DNAAF4: variants seen among roughly 807,000 people sequenced by gnomAD.
The protein encoded by DNAAF4 is dynein axonemal assembly factor 4, also known as dynein assembly factor 4, axonemal.
A neutral mutation model predicts 51.8 loss-of-function variants in DNAAF4; 43 were observed. The ratio of observed to expected loss-of-function variants is 0.83; its 90% CI spans 0.65 to 1.07. The LOEUF is 1.07. Among genes scored for constraint, DNAAF4 ranks in the 50% least tolerant of loss-of-function variants. The pLI, the probability that DNAAF4 is intolerant of heterozygous loss-of-function variation, is 0.00. For synonymous variants in DNAAF4, 194 were observed against 165.6 expected (o/e 1.17, Z -1.32); for missense variants, 581 against 493.0 (o/e 1.18, Z -1.69).
intron 5 of DNAAF4, among the ~76,000 whole-genome samples, chr15:55,466,087 T>A (rs1025344286): frequency 1.3e-5 from 2 of 152,210 alleles, no homozygotes; most frequent in African/African-American, 4.8e-5. Context: ...CCAAAACTAC[T>A]GAAATAATAA....
At chr15:55,472,332 G>A (rs1187615965) in intron 4 of DNAAF4, among the ~76,000 whole-genome samples, 2 of 152,062 alleles carry the variant, frequency 1.3e-5, no homozygotes, top group African/African-American at 4.8e-5. Context: ...ATAAAGGACT[G>A]GAGGCCCGGG....
chr15:55,455,225 A>G (rs1476137123), intron 5 of DNAAF4, among the ~76,000 whole-genome samples: 1 of 149,822 alleles, frequency 6.7e-6, no homozygotes, highest in East Asian at 1.9e-4. Flanking sequence ...TTATCTAACT[A>G]TATTGTTTCA....
chr15:55,473,198 A>AAAAAATATATATATAT (rs1209754897), intron 4 of DNAAF4, among the ~76,000 whole-genome samples: 4 of 75,750 alleles, frequency 5.3e-5, no homozygotes, highest in African/African-American at 2.1e-4. Context: ...AAAAAAAAAA[A>AAAAAATATATATATAT]ATATATATAT....
intron 5 of DNAAF4, 59 bp downstream of exon 5, chr15:55,466,871 A>C (rs924198280): frequency 1.9e-6 from 3 of 1,556,230 alleles, no homozygotes; most frequent in Admixed American, 2.4e-5. Flanking sequence ...AAAAAAGAAA[A>C]GCGTCATATA....
chr15:55,487,675 G>A (rs980643681), intron 4 of DNAAF4, among the ~76,000 whole-genome samples: 3 of 151,742 alleles, frequency 2.0e-5, no homozygotes, highest in African/African-American at 7.3e-5. Flanking sequence ...AACAACTCCG[G>A]ACGCGCCACC....
chr15:55,503,101 C>T (rs199967411), intron 1 of DNAAF4, among the ~76,000 whole-genome samples: 2 of 151,832 alleles, frequency 1.3e-5, no homozygotes, highest in East Asian at 3.9e-4. Flanking sequence ...ATATCACCAC[C>T]GATACCACAG....
At chr15:55,449,250 A>G (rs1004528724) in intron 6 of DNAAF4, among the ~76,000 whole-genome samples, 1 of 150,526 alleles carries the variant, frequency 6.6e-6, no homozygotes, top group Non-Finnish European at 1.5e-5. Flanking sequence ...TCGGCCTCCC[A>G]AAGTGCTAGA....
intron 6 of DNAAF4, among the ~76,000 whole-genome samples, chr15:55,445,605 TC>T (rs1316342845): frequency 6.6e-6 from 1 of 151,750 alleles, no homozygotes; most frequent in Admixed American, 6.6e-5. Flanking sequence ...GCAGAGGCGC[TC>T]CTCGCCTCCC....
rs140019175 is a variant in DNAAF4, at chr15:55,492,834, G to A, written c.272-1578C>T. 8.7e-3 allele frequency among the ~76,000 whole-genome samples: 1,326 copies of A among 152,144 alleles called. 13 individuals are homozygous for A. The highest frequency in any genetic ancestry group is 0.028 in the African/African-American group (1,176 of 41,526). ...ATTACAGGCGTGAGCCACTGCGGCC[G>A]GCCAAATTGTGATACACGATTATGT... On this transcript the variant is annotated intron_variant, in intron 3 of 9. Transcript: ENST00000321149.
intron 4 of DNAAF4, among the ~76,000 whole-genome samples, chr15:55,480,423 C>T (rs1016206054): frequency 1.3e-5 from 2 of 152,114 alleles, no homozygotes; most frequent in Admixed American, 6.6e-5. Context: ...AACAAGCTAA[C>T]CTACATGTTC....
At chr15:55,485,888 G>A (rs931698771) in intron 4 of DNAAF4, among the ~76,000 whole-genome samples, 3 of 151,206 alleles carry the variant, frequency 2.0e-5, no homozygotes, top group Non-Finnish European at 4.4e-5. Context: ...GCAGCTACTC[G>A]GGAAACTTAG....
chr15:55,431,606 C>A (rs890362765), intron 9 of DNAAF4, among the ~76,000 whole-genome samples: 12 of 151,696 alleles, frequency 7.9e-5, no homozygotes, highest in Non-Finnish European at 1.5e-4. Flanking sequence ...TCCTGAGTAG[C>A]TGGGACTACA....
rs2057412035 is a variant in DNAAF4, at chr15:55,424,307, T to TA, written c.1048-6175dup. ...CAAGAAGGTCTTCACCAGATGCATG[T>TA]AGTCCCTTAATCTTGACTGCCCAGC... On this transcript the variant is annotated intron_variant, in intron 7 of 7. Coordinates refer to the DNAAF4 transcript ENST00000448430. Among the ~76,000 whole-genome samples, 11 of 152,352 alleles carry TA rather than the reference T, an allele frequency of 7.2e-5. No homozygotes were observed. In the South Asian group the frequency reaches 2.3e-3, roughly 32 times the overall value.
chr15:55,472,932 G>A (rs527878406), intron 4 of DNAAF4, among the ~76,000 whole-genome samples: 15 of 151,882 alleles, frequency 9.9e-5, no homozygotes, highest in Non-Finnish European at 1.9e-4. Context: ...TTGGGAAGCC[G>A]AGTCAGGCAA....
At chr15:55,456,945 T>G (rs753238857) in intron 5 of DNAAF4, among the ~76,000 whole-genome samples, 4 of 152,184 alleles carry the variant, frequency 2.6e-5, no homozygotes, top group African/African-American at 9.7e-5. Context: ...GCCAGTGGAA[T>G]TGGGGCAGGA....
chr15:55,470,686 C>CA (rs1253119936), intron 4 of DNAAF4, among the ~76,000 whole-genome samples: 1 of 150,306 alleles, frequency 6.7e-6, no homozygotes, highest in East Asian at 2.0e-4. Flanking sequence ...GACACAGGCA[C>CA]ATGCCACCAA....
At chr15:55,418,220 T>C in intron 7 of DNAAF4, 1 of 1,571,574 alleles carries the variant, frequency 6.4e-7, no homozygotes, top group South Asian at 1.2e-5. Flanking sequence ...GTTTATCTTT[T>C]AGGATAAGAA....
At chr15:55,473,221 A>ATATATATATATG (rs1555418750) in intron 4 of DNAAF4, among the ~76,000 whole-genome samples, 4 of 97,166 alleles carry the variant, frequency 4.1e-5, no homozygotes, top group Non-Finnish European at 8.2e-5. Context: ...ATATATATAT[A>ATATATATATATG]TGTGTGTGTG....
intron 7 of DNAAF4, among the ~76,000 whole-genome samples, chr15:55,425,283 C>A (rs184980014): frequency 2.0e-5 from 3 of 152,346 alleles, no homozygotes; most frequent in Admixed American, 6.5e-5. Flanking sequence ...TCATTCCCTA[C>A]CATCCCCCCG....
Sources: gnomAD v4.1 joint callset for allele counts (sites outside exome capture counted in the v4.1 genomes callset) on GRCh38, gnomAD v4.1.1 for gene constraint, MANE v1.5 for transcripts, NCBI Gene and HGNC (gene_info 2026-07-23, HGNC 2026-07-21) for gene names.